The following RBFOX1 variants were observed in gnomAD, a reference collection of about 807,000 sequenced individuals.
RBFOX1 encodes the protein RNA binding fox-1 homolog 1, also known as RNA binding protein fox-1 homolog 1.
RBFOX1 carries 8 observed loss-of-function variants against 57.7 expected under a neutral mutation model. That is an observed-to-expected ratio of 0.14 (90% CI 0.08 to 0.25). The LOEUF is 0.25. Among genes scored for constraint, RBFOX1 ranks in the 10% least tolerant of loss-of-function variants. RBFOX1 has a pLI of 1.00. For synonymous variants in RBFOX1, 326 were observed against 222.4 expected, an observed-to-expected ratio of 1.47 and a Z score of -4.15; for missense variants, 611 against 548.5, an observed-to-expected ratio of 1.11 and a Z score of -1.14.
In RBFOX1 at chr16:5,518,984, C is replaced by T. The variant is rs562110087; in HGVS notation, c.258+51730C>T. ...CTAAGGTGGATGGGTGGCCCTCATCCATCCTGACTGCTGCTGTTATAAGAA... is the reference window on the plus strand; with the variant it reads ...CTAAGGTGGATGGGTGGCCCTCATCTATCCTGACTGCTGCTGTTATAAGAA... On this transcript the variant is annotated intron_variant, in intron 2 of 2. Coordinates refer to the RBFOX1 transcript ENST00000585867. Among the ~76,000 whole-genome samples, 4 of 152,200 alleles carry T rather than the reference C, an allele frequency of 2.6e-5. 1 individual carries two copies. The South Asian group carries it at 6.2e-4, about 24-fold the overall frequency.
chr16:7,448,880 A>G (rs1388326591), intron 4 of RBFOX1, among the ~76,000 whole-genome samples: 1 of 151,002 alleles, frequency 6.6e-6, no homozygotes, highest in South Asian at 2.1e-4. Context: ...ATCTGCAACA[A>G]ATAAGGTCAT....
At chr16:6,453,813 G>C (rs1163655426) in intron 2 of RBFOX1, among the ~76,000 whole-genome samples, 1 of 152,218 alleles carries the variant, frequency 6.6e-6, no homozygotes, top group African/African-American at 2.4e-5. Context: ...TACATTTCAA[G>C]TGCTTACTGA....
At chr16:5,566,616 ATATG>A (rs1477919250) in intron 2 of RBFOX1, among the ~76,000 whole-genome samples, 2 of 150,762 alleles carry the variant, frequency 1.3e-5, no homozygotes, top group Admixed American at 6.7e-5. Context: ...GTATATATGT[ATATG>A]TATGTATATA....
At chr16:7,374,677 A>C (rs1474618183) in intron 4 of RBFOX1, among the ~76,000 whole-genome samples, 1 of 152,188 alleles carries the variant, frequency 6.6e-6, no homozygotes, top group African/African-American at 2.4e-5. Flanking sequence ...AATCTTCTAG[A>C]AATACCTAAA....
intron 3 of RBFOX1, among the ~76,000 whole-genome samples, chr16:6,782,683 GAGA>G (rs2081234418): frequency 6.6e-6 from 1 of 152,198 alleles, no homozygotes; most frequent in East Asian, 1.9e-4. Context: ...ATGTGCCCAT[GAGA>G]AGAATGTGTA....
chr16:6,096,913 T>C (rs567150509), intron 1 of RBFOX1, among the ~76,000 whole-genome samples: 2 of 152,274 alleles, frequency 1.3e-5, no homozygotes, highest in African/African-American at 4.8e-5. Flanking sequence ...GAACCACCTG[T>C]TGCATTTTAA....
chr16:5,323,455 T>G (rs1175806687), intron 1 of RBFOX1, among the ~76,000 whole-genome samples: 1 of 152,212 alleles, frequency 6.6e-6, no homozygotes, highest in Non-Finnish European at 1.5e-5. Flanking sequence ...CTCATGTTAA[T>G]TACGTGGGTT....
chr16:5,971,517 A>G (rs2059961553), intron 4 of RBFOX1, among the ~76,000 whole-genome samples: 1 of 152,184 alleles, frequency 6.6e-6, no homozygotes, highest in African/African-American at 2.4e-5. Context: ...ATACAGACTC[A>G]TTGTGTTTAA....
intron 4 of RBFOX1, among the ~76,000 whole-genome samples, chr16:7,189,282 C>G (rs974169242): frequency 6.6e-6 from 1 of 151,588 alleles, no homozygotes; most frequent in African/African-American, 2.4e-5. Context: ...AAAAATTAGC[C>G]GGGCGTGGTG....
intron 1 of RBFOX1, among the ~76,000 whole-genome samples, chr16:6,077,000 C>G (rs1056951644): frequency 2.0e-5 from 3 of 152,156 alleles, no homozygotes; most frequent in African/African-American, 7.2e-5. Context: ...GCTTGACAGC[C>G]AATATCTAGC....
chr16:6,647,544 A>C (rs1425812932), intron 2 of RBFOX1, among the ~76,000 whole-genome samples: 1 of 152,110 alleles, frequency 6.6e-6, no homozygotes, highest in Admixed American at 6.6e-5. Context: ...CACCACACCC[A>C]GCCAAGGGCA....
chr16:5,940,858 G>C (rs1004501058), intron 4 of RBFOX1, among the ~76,000 whole-genome samples: 5 of 152,278 alleles, frequency 3.3e-5, no homozygotes, highest in East Asian at 3.9e-4. Context: ...CTGGGTGGGG[G>C]TTCCAACCCT....
At chr16:5,499,987 T>C (rs2043131104) in intron 2 of RBFOX1, among the ~76,000 whole-genome samples, 1 of 152,156 alleles carries the variant, frequency 6.6e-6, no homozygotes, top group South Asian at 2.1e-4. Flanking sequence ...ATTTCACTCT[T>C]TCTCTCTTCC....
chr16:7,296,492 T>C (rs1156729204), intron 4 of RBFOX1, among the ~76,000 whole-genome samples: 1 of 152,184 alleles, frequency 6.6e-6, no homozygotes, highest in Non-Finnish European at 1.5e-5. Flanking sequence ...ATTATAGTTC[T>C]GTAAGGGTGC....
intron 1 of RBFOX1, among the ~76,000 whole-genome samples, chr16:5,282,890 C>T (rs2063306266): frequency 6.6e-6 from 1 of 152,136 alleles, no homozygotes; most frequent in African/African-American, 2.4e-5. Flanking sequence ...AGTGTGAATC[C>T]CCGTCAATGG....
At chr16:6,646,956 G>T (rs988579478) in intron 2 of RBFOX1, among the ~76,000 whole-genome samples, 1 of 152,160 alleles carries the variant, frequency 6.6e-6, no homozygotes, top group African/African-American at 2.4e-5. Context: ...CTTACAGGTC[G>T]TCTGGGAACC....
rs140213624 is a variant in RBFOX1 at position 6,456,414 on chromosome 16, T to C, written c.-64+139357T>C. On this transcript the variant is annotated intron_variant, in intron 2 of 15. Coordinates refer to ENST00000550418, the MANE Select transcript of RBFOX1 (RefSeq NM_018723.4). ...GTTCTGAAGTTCTGGGCTCAAGCAA[T>C]ATTCCCATCTCAGCCTCTAGAGTGG... 2.9e-3 allele frequency among the ~76,000 whole-genome samples: 447 copies of C among 152,288 alleles called. 9 individuals carry two copies. In the East Asian group the frequency reaches 0.034, roughly 11 times the overall value.
intron 3 of RBFOX1, among the ~76,000 whole-genome samples, chr16:6,754,681 G>T (rs986143085): frequency 1.3e-5 from 2 of 152,066 alleles, no homozygotes; most frequent in African/African-American, 4.8e-5. Context: ...GAATTAGAGA[G>T]AGATGCAGGA....
chr16:6,888,452 C>G (rs900345624), intron 3 of RBFOX1, among the ~76,000 whole-genome samples: 3 of 152,148 alleles, frequency 2.0e-5, no homozygotes, highest in Non-Finnish European at 2.9e-5. Context: ...TAGTCACTTA[C>G]TGTCTTGGGT....
Sources: allele counts gnomAD v4.1 joint callset (sites outside exome capture counted in the v4.1 genomes callset), GRCh38; gene constraint gnomAD v4.1.1; transcripts MANE v1.5; gene names NCBI Gene and HGNC (gene_info 2026-07-23, HGNC 2026-07-21).